The following TAFA1 variants were observed in gnomAD, a reference collection of about 807,000 sequenced individuals.
TAFA1 encodes TAFA chemokine like family member 1, also known as chemokine-like protein TAFA-1.
In TAFA1, 4 loss-of-function variants were observed where a neutral mutation model predicts 18.5. The ratio of observed to expected loss-of-function variants is 0.22; its 90% CI spans 0.11 to 0.49. TAFA1 has a LOEUF of 0.49. Ranked by LOEUF, TAFA1 falls within the 20% of genes least tolerant of loss-of-function variation. TAFA1 has a pLI of 0.98. For missense variants in TAFA1, 147 were observed against 169.0 expected, an observed-to-expected ratio of 0.87 and a Z score of 0.72; for synonymous variants, 56 against 55.2, an observed-to-expected ratio of 1.01 and a Z score of -0.06.
intron 2 of TAFA1, among the ~76,000 whole-genome samples, chr3:68,063,575 T>A (rs1559722555): frequency 6.6e-6 from 1 of 152,196 alleles, no homozygotes; most frequent in Non-Finnish European, 1.5e-5. Flanking sequence ...CTTGTGACTT[T>A]GCCACCAATA....
intron 3 of TAFA1, among the ~76,000 whole-genome samples, chr3:68,476,529 A>G (rs1199963286): frequency 6.6e-6 from 1 of 152,216 alleles, no homozygotes; most frequent in Non-Finnish European, 1.5e-5. Context: ...CTGGAAGTGT[A>G]GAGTAATAAT....
intron 2 of TAFA1, among the ~76,000 whole-genome samples, chr3:68,366,748 C>G (rs2069581257): frequency 6.6e-6 from 1 of 152,130 alleles, no homozygotes; most frequent in Non-Finnish European, 1.5e-5. Context: ...TTTTACTCAT[C>G]TAGGTTTTGT....
intron 2 of TAFA1, among the ~76,000 whole-genome samples, chr3:68,075,132 A>G (rs2106757806): frequency 6.6e-6 from 1 of 152,308 alleles, no homozygotes; most frequent in African/African-American, 2.4e-5. Flanking sequence ...TTTTGTATAC[A>G]ATATTGCACT....
At chr3:68,435,183 G>C (rs893085265) in intron 3 of TAFA1, among the ~76,000 whole-genome samples, 17 of 152,128 alleles carry the variant, frequency 1.1e-4, no homozygotes, top group African/African-American at 4.1e-4. Flanking sequence ...GACTAGGTAA[G>C]AGGATGGGAT....
chr3:68,190,560 C>T (rs2107011528), intron 2 of TAFA1, among the ~76,000 whole-genome samples: 1 of 151,944 alleles, frequency 6.6e-6, no homozygotes. Context: ...AAATGTAAAT[C>T]CCAGGCAGTT....
intron 2 of TAFA1, among the ~76,000 whole-genome samples, chr3:68,303,967 A>G (rs996210109): frequency 6.6e-6 from 1 of 152,194 alleles, no homozygotes; most frequent in East Asian, 1.9e-4. Flanking sequence ...CACCCACCAT[A>G]CAGTGCTTGC....
intron 2 of TAFA1, among the ~76,000 whole-genome samples, chr3:68,379,656 G>A (rs1289123002): frequency 6.6e-6 from 1 of 151,040 alleles, no homozygotes; most frequent in Non-Finnish European, 1.5e-5. Flanking sequence ...AATTTTAAAT[G>A]TAGGTTGTCT....
chr3:68,043,711 T>TTTACAGGCTCTTGGATGTTGCTTGCC (rs1217374672), intron 2 of TAFA1, among the ~76,000 whole-genome samples: 3 of 152,200 alleles, frequency 2.0e-5, no homozygotes, highest in Admixed American at 2.0e-4. Flanking sequence ...CCCAGGTCAT[T>TTTACAGGCTCTTGGATGTTGCTTGCC]TTACAGGCTC....
intron 2 of TAFA1, among the ~76,000 whole-genome samples, chr3:68,119,187 C>T (rs1168722424): frequency 6.6e-6 from 1 of 152,082 alleles, no homozygotes; most frequent in East Asian, 1.9e-4. Context: ...TTTGGAGAAA[C>T]ATCTGTTCAA....
At chr3:68,045,170 G>A (rs1421543061) in intron 2 of TAFA1, among the ~76,000 whole-genome samples, 1 of 152,090 alleles carries the variant, frequency 6.6e-6, no homozygotes, top group Non-Finnish European at 1.5e-5. Context: ...AGGTAGAAGG[G>A]CATTAGCTAT....
chr3:68,426,047 T>C (rs2071045774), intron 3 of TAFA1, among the ~76,000 whole-genome samples: 2 of 6,946 alleles, frequency 2.9e-4, no homozygotes, highest in South Asian at 5.6e-3. Context: ...GAATGAATTA[T>C]TTTTTCTAAA....
chr3:68,443,502 A>T (rs1037631170), intron 3 of TAFA1, among the ~76,000 whole-genome samples: 1 of 152,016 alleles, frequency 6.6e-6, no homozygotes, highest in Non-Finnish European at 1.5e-5. Flanking sequence ...AAAAACAAAA[A>T]AAAAGAGGTT....
intron 2 of TAFA1, among the ~76,000 whole-genome samples, chr3:68,388,047 TATATA>T (rs1250825854): frequency 6.6e-6 from 1 of 152,172 alleles, no homozygotes; most frequent in Non-Finnish European, 1.5e-5. Flanking sequence ...AGGCATATTA[TATATA>T]GTTTGAAAAG....
intron 2 of TAFA1, among the ~76,000 whole-genome samples, chr3:68,092,448 C>T (rs1251649719): frequency 6.6e-6 from 1 of 152,076 alleles, no homozygotes; most frequent in Non-Finnish European, 1.5e-5. Flanking sequence ...TTCTTACATG[C>T]TTTGGGTGAA....
intron 2 of TAFA1, among the ~76,000 whole-genome samples, chr3:68,221,482 C>T (rs1391765436): frequency 6.6e-6 from 1 of 151,988 alleles, no homozygotes; most frequent in Non-Finnish European, 1.5e-5. Flanking sequence ...TTGTAAGGTG[C>T]CTGTTTTGCA....
chr3:68,517,386 G>A (rs1231750482), intron 3 of TAFA1, among the ~76,000 whole-genome samples: 2 of 152,158 alleles, frequency 1.3e-5, no homozygotes, highest in Non-Finnish European at 2.9e-5. Flanking sequence ...GACACCCTTT[G>A]TTTTAGAAGT....
chr3:68,307,489 C>A (rs1384894967), intron 2 of TAFA1, among the ~76,000 whole-genome samples: 1 of 152,220 alleles, frequency 6.6e-6, no homozygotes, highest in Non-Finnish European at 1.5e-5. Flanking sequence ...CTACATTCAG[C>A]AGTAACACTT....
chr3:68,417,854 G>A (rs1485697087), intron 3 of TAFA1, among the ~76,000 whole-genome samples: 1 of 152,132 alleles, frequency 6.6e-6, no homozygotes, highest in African/African-American at 2.4e-5. Context: ...TGAAGGAGAA[G>A]CAAGCAAGTC....
At chr3:68,178,642 TG>T (rs2066157018) in intron 2 of TAFA1, among the ~76,000 whole-genome samples, 2 of 152,332 alleles carry the variant, frequency 1.3e-5, no homozygotes, top group Middle Eastern at 3.4e-3. Context: ...ATATATGCCC[TG>T]GGGCGGAAAT....
Sources: allele counts gnomAD v4.1 joint callset (sites outside exome capture counted in the v4.1 genomes callset), GRCh38; gene constraint gnomAD v4.1.1; transcripts MANE v1.5; gene names NCBI Gene and HGNC (gene_info 2026-07-23, HGNC 2026-07-21).